The following MARCHF1 variants were observed in gnomAD, a reference collection of about 807,000 sequenced individuals.
MARCHF1 encodes the protein E3 ubiquitin-protein ligase MARCHF1.
In MARCHF1, 40 loss-of-function variants were observed where a neutral mutation model predicts 54.2. That is an observed-to-expected ratio of 0.74 (90% CI 0.57 to 0.96). The LOEUF (loss-of-function observed/expected upper bound fraction) is 0.96, where lower values mean the gene tolerates loss of function less well. Ranked by LOEUF, MARCHF1 falls within the 40% of genes least tolerant of loss-of-function variation. The pLI is 0.00. For synonymous variants in MARCHF1, 236 were observed against 236.3 expected (o/e 1.00, Z 0.01); for missense variants, 586 against 656.5 (o/e 0.89, Z 1.17).
chr4:163,975,270 C>A (rs1421284191), intron 3 of MARCHF1, among the ~76,000 whole-genome samples: 1 of 151,558 alleles, frequency 6.6e-6, no homozygotes, highest in Non-Finnish European at 1.5e-5. Flanking sequence ...CTGACTAATG[C>A]AGACTTTGAG....
chr4:163,996,149 G>A lies in MARCHF1; in HGVS notation c.-247-7440C>T, dbSNP rs537603771. Among the ~76,000 whole-genome samples, 174 of 151,654 alleles carry A rather than the reference G, an allele frequency of 1.1e-3. 3 individuals carry two copies. The highest frequency in any genetic ancestry group is 2.7e-3 in the South Asian group (13 of 4,808). On this transcript the variant is annotated intron_variant, in intron 2 of 9. Transcript: ENST00000514618. ...TTTTTCTCATCATATTTTTATTCTC[G>A]TGGTTCACTGATTATGAAAAATCAC...
At chr4:163,613,598 T>C in intron 5 of MARCHF1, 2 of 1,452,224 alleles carry the variant, frequency 1.4e-6, no homozygotes, top group Non-Finnish European at 1.8e-6. Flanking sequence ...GCTGAGATGC[T>C]GCGCTATTTT....
At chr4:164,121,080 G>A (rs1756056340) in intron 1 of MARCHF1, among the ~76,000 whole-genome samples, 1 of 151,892 alleles carries the variant, frequency 6.6e-6, no homozygotes, top group Non-Finnish European at 1.5e-5. Flanking sequence ...CAAACCTTTA[G>A]CCAGTTGAAG....
intron 1 of MARCHF1, among the ~76,000 whole-genome samples, chr4:164,119,998 T>A: frequency 6.6e-6 from 1 of 151,770 alleles, no homozygotes; most frequent in Non-Finnish European, 1.5e-5. Context: ...ATGAAGTGAA[T>A]ATATAACAGA....
At chr4:163,900,214 C>G (rs1027233136) in intron 3 of MARCHF1, among the ~76,000 whole-genome samples, 1 of 152,090 alleles carries the variant, frequency 6.6e-6, no homozygotes, top group Non-Finnish European at 1.5e-5. Flanking sequence ...TGACTGATAA[C>G]AGCAGTCTCT....
intron 3 of MARCHF1, among the ~76,000 whole-genome samples, chr4:163,988,194 C>T (rs1184661481): frequency 2.0e-5 from 3 of 152,150 alleles, no homozygotes; most frequent in Non-Finnish European, 2.9e-5. Flanking sequence ...CCAAAACAGC[C>T]GGTTGTAACC....
chr4:163,574,259 T>G (rs572216586), intron 8 of MARCHF1, among the ~76,000 whole-genome samples: 1 of 152,284 alleles, frequency 6.6e-6, no homozygotes, highest in East Asian at 1.9e-4. Flanking sequence ...CCCATTTTTG[T>G]GGGTTGCCTG....
chr4:163,621,627 T>G (rs1299855446), intron 5 of MARCHF1, among the ~76,000 whole-genome samples: 1 of 152,150 alleles, frequency 6.6e-6, no homozygotes, highest in Non-Finnish European at 1.5e-5. Context: ...CTGGGCATAA[T>G]TTTACTACAA....
chr4:163,970,088 GAC>G (rs1206698820), intron 3 of MARCHF1, among the ~76,000 whole-genome samples: 1 of 152,096 alleles, frequency 6.6e-6, no homozygotes, highest in Non-Finnish European at 1.5e-5. Flanking sequence ...TCCAATACAA[GAC>G]ACAGTGACTT....
At chr4:163,631,375 T>C (rs1742074762) in intron 5 of MARCHF1, among the ~76,000 whole-genome samples, 1 of 152,096 alleles carries the variant, frequency 6.6e-6, no homozygotes, top group African/African-American at 2.4e-5. Context: ...TTATTTTTAG[T>C]AGAGATGGGC....
chr4:163,535,007 T>C (rs995329448), intron 9 of MARCHF1, among the ~76,000 whole-genome samples: 1 of 152,046 alleles, frequency 6.6e-6, no homozygotes. Context: ...AAGTAACTTA[T>C]AGACAAATAT....
chr4:164,379,707 C>T (rs898725141), intron 1 of MARCHF1, among the ~76,000 whole-genome samples: 7 of 152,054 alleles, frequency 4.6e-5, no homozygotes, highest in African/African-American at 9.7e-5. Flanking sequence ...AAATGTTGGC[C>T]GGGCACAGTG....
chr4:164,294,149 C>T (rs898899945), intron 1 of MARCHF1, among the ~76,000 whole-genome samples: 1 of 152,196 alleles, frequency 6.6e-6, no homozygotes, highest in Non-Finnish European at 1.5e-5. Context: ...CAGTGGTTTG[C>T]CAGGGGCCCT....
intron 4 of MARCHF1, among the ~76,000 whole-genome samples, chr4:163,809,789 T>C (rs1748332844): frequency 6.6e-6 from 1 of 152,172 alleles, no homozygotes; most frequent in African/African-American, 2.4e-5. Context: ...ACACTAAAGA[T>C]ATTTTTAAAC....
At chr4:163,634,244 C>T (rs1279038443) in intron 5 of MARCHF1, among the ~76,000 whole-genome samples, 1 of 151,368 alleles carries the variant, frequency 6.6e-6, no homozygotes, top group African/African-American at 2.4e-5. Context: ...TCACACATAA[C>T]AATATTAACT....
Position 164,114,722 on chromosome 4 carries a change from G to A in MARCHF1, c.-322-3060C>T, listed in dbSNP as rs536170697. On this transcript the variant is annotated intron_variant, in intron 1 of 9. Transcript: ENST00000514618. ...ATTACGATAAATAGTATTGAGACAA[G>A]AAAAAAATGGGAAACTACACACACA... Among the ~76,000 whole-genome samples the A allele has an allele frequency of 6.2e-5, 9 of 144,020 alleles. No individual in the cohort carries two copies. The South Asian group carries it at 1.9e-3, about 31-fold the overall frequency. 94.5% of individuals were successfully genotyped at this position (144,020 alleles called of 152,430 possible).
intron 4 of MARCHF1, among the ~76,000 whole-genome samples, chr4:163,756,162 C>G (rs972305873): frequency 2.0e-5 from 3 of 152,146 alleles, no homozygotes; most frequent in African/African-American, 7.2e-5. Flanking sequence ...TTTAGACCAT[C>G]ACAGAAGCCC....
Position 163,832,318 on chromosome 4 carries a change from T to C in MARCHF1, c.111+21703A>G, listed in dbSNP as rs142083254. The stretch of plus-strand genomic sequence containing the variant: ...ATGCAAGATTGCAATGCTGGCCTTT[T>C]CTCCGTGAGTTTTGCAACCCTTAAT... On this transcript the variant is annotated intron_variant, in intron 4 of 9. Transcript: ENST00000514618. Among the ~76,000 whole-genome samples the C allele has an allele frequency of 9.8e-3, 1,492 of 152,254 alleles. 13 individuals carry two copies. The highest frequency in any genetic ancestry group is 0.015 in the Non-Finnish European group (1,054 of 68,018).
At chr4:163,910,853 G>A (rs1231128440) in intron 3 of MARCHF1, among the ~76,000 whole-genome samples, 1 of 152,148 alleles carries the variant, frequency 6.6e-6, no homozygotes, top group African/African-American at 2.4e-5. Context: ...AAGACAGTTT[G>A]AGTTACCACT....
Sources: gnomAD v4.1 joint callset for allele counts (sites outside exome capture counted in the v4.1 genomes callset) on GRCh38, gnomAD v4.1.1 for gene constraint, MANE v1.5 for transcripts, NCBI Gene and HGNC (gene_info 2026-07-23, HGNC 2026-07-21) for gene names.